The following LRRC4C variants were observed in gnomAD, a reference collection of about 807,000 sequenced individuals.
LRRC4C encodes the protein leucine-rich repeat-containing protein 4C.
LRRC4C carries 5 observed loss-of-function variants against 33.6 expected under a neutral mutation model. The observed-to-expected ratio is 0.15, with a 90% confidence interval of 0.08 to 0.31. LRRC4C has a LOEUF of 0.31. LRRC4C is among the 10% of genes least tolerant of loss of function. The pLI, the probability that LRRC4C is intolerant of heterozygous loss-of-function variation, is 1.00. For missense variants in LRRC4C, 560 were observed against 796.7 expected, an observed-to-expected ratio of 0.70 and a Z score of 3.58; for synonymous variants, 329 against 302.0, an observed-to-expected ratio of 1.09 and a Z score of -0.93.
intron 1 of LRRC4C, among the ~76,000 whole-genome samples, chr11:41,153,214 T>C (rs1944075962): frequency 6.6e-6 from 1 of 152,158 alleles, no homozygotes; most frequent in Non-Finnish European, 1.5e-5. Flanking sequence ...TGAAAAAAAT[T>C]ATTAAATTAC....
intron 1 of LRRC4C, among the ~76,000 whole-genome samples, chr11:41,089,831 G>C (rs1248619483): frequency 6.6e-6 from 1 of 151,736 alleles, no homozygotes; most frequent in Non-Finnish European, 1.5e-5. Context: ...AGGTCATCAG[G>C]GGTCTTTAAA....
chr11:40,314,879 G>A (rs1265923936), intron 4 of LRRC4C, among the ~76,000 whole-genome samples: 2 of 152,152 alleles, frequency 1.3e-5, no homozygotes, highest in East Asian at 1.9e-4. Flanking sequence ...AAGTAGAACA[G>A]AAGATAGTAG....
chr11:41,350,236 T>G (rs1413634293), intron 1 of LRRC4C, among the ~76,000 whole-genome samples: 1 of 151,996 alleles, frequency 6.6e-6, no homozygotes, highest in African/African-American at 2.4e-5. Flanking sequence ...TTTCGTCAGG[T>G]GCAGTGGCTC....
At chr11:40,848,834 T>G (rs1031747015) in intron 2 of LRRC4C, among the ~76,000 whole-genome samples, 2 of 152,212 alleles carry the variant, frequency 1.3e-5, no homozygotes, top group African/African-American at 4.8e-5. Flanking sequence ...ATTCCTGTAC[T>G]GGGTGCATAT....
chr11:41,371,408 T>C (rs936516320), intron 1 of LRRC4C, among the ~76,000 whole-genome samples: 2 of 152,212 alleles, frequency 1.3e-5, no homozygotes, highest in African/African-American at 2.4e-5. Context: ...GAAATTCTGG[T>C]TTTGATTCCT....
chr11:40,200,777 A>AG (rs1249322385), intron 5 of LRRC4C, among the ~76,000 whole-genome samples: 6 of 149,368 alleles, frequency 4.0e-5, no homozygotes, highest in African/African-American at 1.5e-4. Context: ...AAAAAAAAAA[A>AG]AAAAAAAAAA....
At chr11:40,962,595 C>T (rs763920542) in intron 1 of LRRC4C, among the ~76,000 whole-genome samples, 1 of 151,688 alleles carries the variant, frequency 6.6e-6, no homozygotes, top group South Asian at 2.1e-4. Flanking sequence ...ATGATTTTCA[C>T]AAGCGAATCT....
intron 2 of LRRC4C, among the ~76,000 whole-genome samples, chr11:40,868,731 A>G (rs1420275105): frequency 4.6e-5 from 7 of 152,282 alleles, no homozygotes. Context: ...ATAATCAAAG[A>G]TGCAATTAAA....
At chr11:40,198,115 G>T (rs1170445202) in intron 5 of LRRC4C, among the ~76,000 whole-genome samples, 2 of 152,108 alleles carry the variant, frequency 1.3e-5, no homozygotes, top group Admixed American at 6.6e-5. Context: ...TTTTAGAGCA[G>T]GCATCATTGA....
At chr11:40,118,977 G>A (rs1855633009) in intron 6 of LRRC4C, among the ~76,000 whole-genome samples, 1 of 152,136 alleles carries the variant, frequency 6.6e-6, no homozygotes, top group Non-Finnish European at 1.5e-5. Flanking sequence ...TTGGAGAGAA[G>A]CCAGTGCCAG....
At chr11:40,264,702 A>G (rs542231366) in intron 4 of LRRC4C, among the ~76,000 whole-genome samples, 4 of 152,294 alleles carry the variant, frequency 2.6e-5, no homozygotes, top group African/African-American at 9.6e-5. Context: ...AAAACTGCCA[A>G]GAAGAGAAAT....
At chr11:40,978,553 C>T (rs542716162) in intron 1 of LRRC4C, among the ~76,000 whole-genome samples, 2 of 152,168 alleles carry the variant, frequency 1.3e-5, no homozygotes, top group Admixed American at 6.5e-5. Flanking sequence ...ATTATCTGTC[C>T]CAAACATCAA....
chr11:41,015,270 T>C (rs1161608819), intron 1 of LRRC4C, among the ~76,000 whole-genome samples: 2 of 152,196 alleles, frequency 1.3e-5, no homozygotes, highest in African/African-American at 4.8e-5. Context: ...TGTAATAATG[T>C]TATTGAAAGA....
At chr11:40,782,916 ATG>A (rs912929548) in intron 2 of LRRC4C, among the ~76,000 whole-genome samples, 60 of 152,156 alleles carry the variant, frequency 3.9e-4, no homozygotes, top group African/African-American at 1.3e-3. Context: ...GTATGTATGT[ATG>A]TGTGTGTATA....
chr11:40,615,180 C>G (rs1961643583), intron 3 of LRRC4C, among the ~76,000 whole-genome samples: 1 of 148,102 alleles, frequency 6.8e-6, no homozygotes, highest in South Asian at 2.1e-4. Flanking sequence ...CCTTCTGGTT[C>G]TAGACCCTAT....
intron 3 of LRRC4C, among the ~76,000 whole-genome samples, chr11:40,405,311 T>G (rs1168141912): frequency 6.6e-6 from 1 of 151,958 alleles, no homozygotes; most frequent in Admixed American, 6.6e-5. Flanking sequence ...CTAGAGATAT[T>G]CCCCAAAATG....
intron 2 of LRRC4C, among the ~76,000 whole-genome samples, chr11:40,698,440 A>G (rs1044768776): frequency 1.3e-5 from 2 of 151,900 alleles, no homozygotes; most frequent in Non-Finnish European, 2.9e-5. Flanking sequence ...GACAGAGTCA[A>G]TAAGAGCATT....
intron 1 of LRRC4C, among the ~76,000 whole-genome samples, chr11:41,442,995 T>C (rs12277516): frequency 0.11 from 16,846 of 152,068 alleles, 1,534 homozygotes; most frequent in African/African-American, 0.24. Context: ...ATAAGGGTAT[T>C]GCTATGAAAT....
chr11:40,491,922 A>G (rs1027156235), intron 3 of LRRC4C, among the ~76,000 whole-genome samples: 1 of 152,198 alleles, frequency 6.6e-6, no homozygotes, highest in South Asian at 2.1e-4. Context: ...TCTGCCTACC[A>G]TACCATATTG....
Sources: gnomAD v4.1 joint callset for allele counts (sites outside exome capture counted in the v4.1 genomes callset) on GRCh38, gnomAD v4.1.1 for gene constraint, MANE v1.5 for transcripts, NCBI Gene and HGNC (gene_info 2026-07-23, HGNC 2026-07-21) for gene names.